The following PANX1 variants were observed in gnomAD, a reference collection of about 807,000 sequenced individuals.
PANX1 encodes pannexin 1.
A neutral mutation model predicts 38.7 loss-of-function variants in PANX1; 30 were observed. The ratio of observed to expected loss-of-function variants is 0.78; its 90% CI spans 0.58 to 1.05. The LOEUF is 1.05. Ranked by LOEUF, PANX1 falls within the 50% of genes least tolerant of loss-of-function variation. The pLI, the probability that PANX1 is intolerant of heterozygous loss-of-function variation, is 0.00. For missense variants in PANX1, 551 were observed against 517.2 expected, an observed-to-expected ratio of 1.07 and a Z score of -0.63; for synonymous variants, 230 against 212.2, an observed-to-expected ratio of 1.08 and a Z score of -0.73.
chr11:94,129,823 C>T (rs1591500071), intron 1 of PANX1, among the ~76,000 whole-genome samples: 1 of 152,174 alleles, frequency 6.6e-6, no homozygotes, highest in East Asian at 1.9e-4. Context: ...CCGTTTTTCA[C>T]CCCTGTCTCC....
chr11:94,136,693 G>A (rs1431516164), intron 1 of PANX1, among the ~76,000 whole-genome samples: 3 of 152,174 alleles, frequency 2.0e-5, no homozygotes, highest in Admixed American at 1.3e-4. Flanking sequence ...GCGTGAACCC[G>A]GGAGGCGGAG....
intron 1 of PANX1, among the ~76,000 whole-genome samples, chr11:94,147,999 T>C (rs1376519645): frequency 6.6e-6 from 1 of 152,196 alleles, no homozygotes; most frequent in Non-Finnish European, 1.5e-5. Flanking sequence ...TGATGTGTTC[T>C]CTTTAAAAGC....
chr11:94,151,779 T>C (rs1946885246), intron 1 of PANX1, among the ~76,000 whole-genome samples: 1 of 152,332 alleles, frequency 6.6e-6, no homozygotes, highest in East Asian at 1.9e-4. Flanking sequence ...CACTCATATT[T>C]AAGCCATTCT....
Position 94,156,717 on chromosome 11 carries a change from T to G in PANX1, c.321+3087T>G, listed in dbSNP as rs952044839. 2.4e-3 allele frequency among the ~76,000 whole-genome samples: 307 copies of G among 125,320 alleles called. 2 individuals are homozygous for G. The highest frequency in any genetic ancestry group is 0.013 in the African/African-American group (288 of 22,334). The allele number at this position is 125,320 out of a possible 152,430, so 82.2% of individuals were successfully genotyped here. ...TTTTTAAAAAAAATTATTTTTCTCG[T>G]TTTTTTTTTTCCTTTTTTTTAATTA... On this transcript the variant is annotated intron_variant, in intron 2 of 4. Coordinates refer to ENST00000227638, the MANE Select transcript of PANX1 (RefSeq NM_015368.4).
In PANX1 at chr11:94,129,272, C is replaced by G; in HGVS notation, c.-41C>G. On this transcript the variant is annotated 5_prime_UTR_variant, in exon 1 of 5. Coordinates refer to ENST00000227638, the MANE Select transcript of PANX1 (RefSeq NM_015368.4). ...CGCCGCGCAGCTTTCCCGACGCCGG[C>G]TGTACCCGGACCTCCTGGTCGAGCC... is the stretch of plus-strand genomic sequence containing the variant. 1 of 1,556,646 alleles carries G rather than the reference C, an allele frequency of 6.4e-7. No individual in the cohort carries two copies. Among genetic ancestry groups the G allele is most frequent in the East Asian group, 2.3e-5 (1 of 42,844 alleles).
At chr11:94,180,350 A>C in intron 4 of PANX1, 93 bp downstream of exon 4, 1 of 1,087,782 alleles carries the variant, frequency 9.2e-7, no homozygotes, top group Non-Finnish European at 1.3e-6. Context: ...CCTGCCCATC[A>C]TTTAAACCAT....
chr11:94,129,541 G>A, intron 1 of PANX1, 48 bp downstream of exon 1: 2 of 1,525,440 alleles, frequency 1.3e-6, no homozygotes, highest in Non-Finnish European at 9.0e-7. Context: ...GGTCTGGCCC[G>A]GTGAGCTGCG....
chr11:94,129,429 G>T lies in PANX1; in HGVS notation c.117G>T (p.Thr39=). 6.2e-7 allele frequency: 1 copy of T among 1,613,980 alleles called. No homozygotes were observed. ...RLELAVDKMV[T]CIAVGLPLLL... ...AGCTGGCTGTGGACAAGATGGTCACGTGCATTGCGGTGGGGCTGCCCCTGC... is the reference window on the plus strand; with the variant it reads ...AGCTGGCTGTGGACAAGATGGTCACTTGCATTGCGGTGGGGCTGCCCCTGC... Residue 39 remains threonine, a synonymous_variant, in exon 1 of 5, where the codon ACG becomes ACT. Transcript: ENST00000227638.
Position 94,129,297 on chromosome 11 carries a change from C to G in PANX1, c.-16C>G. 9 of 1,596,370 alleles carry G rather than the reference C, an allele frequency of 5.6e-6. No individual in the cohort carries two copies. Among genetic ancestry groups the G allele is most frequent in the East Asian group, 2.3e-5 (1 of 44,136 alleles). On this transcript the variant is annotated 5_prime_UTR_variant, in exon 1 of 5. Coordinates refer to ENST00000227638, the MANE Select transcript of PANX1 (RefSeq NM_015368.4). The stretch of plus-strand genomic sequence containing the variant: ...CTGTACCCGGACCTCCTGGTCGAGC[C>G]TGGCGCGCCGCAGCCATGGCCATCG...
chr11:94,130,332 G>C (rs1401519189), intron 1 of PANX1, among the ~76,000 whole-genome samples: 1 of 152,182 alleles, frequency 6.6e-6, no homozygotes, highest in Non-Finnish European at 1.5e-5. Context: ...ATTTGGACAA[G>C]AAGGAGTAAG....
intron 1 of PANX1, among the ~76,000 whole-genome samples, chr11:94,147,292 A>AAC (rs1271221690): frequency 6.6e-6 from 1 of 152,134 alleles, no homozygotes; most frequent in Non-Finnish European, 1.5e-5. Context: ...ACAAAAGTAA[A>AAC]ATATATATAT....
At chr11:94,149,503 C>T (rs1279769166) in intron 1 of PANX1, among the ~76,000 whole-genome samples, 6 of 152,156 alleles carry the variant, frequency 3.9e-5, no homozygotes, top group African/African-American at 9.7e-5. Flanking sequence ...TGTGAGCACA[C>T]GTTTTCTCCT....
At chr11:94,149,589 G>A (rs903158426) in intron 1 of PANX1, among the ~76,000 whole-genome samples, 3 of 152,224 alleles carry the variant, frequency 2.0e-5, no homozygotes, top group African/African-American at 7.2e-5. Context: ...TCAGCCAAGT[G>A]GAAGTAGTAT....
At position 94,171,544 on chromosome 11, in the gene PANX1, A is replaced by G. The variant is rs78749761; in HGVS notation, c.322-6825A>G. Among the ~76,000 whole-genome samples, 1,606 of 151,714 alleles carry G rather than the reference A, an allele frequency of 0.011. 99 individuals carry two copies. The East Asian group carries it at 0.14, about 13-fold the overall frequency. ...AGTGAGGTAGTTGTGTGTCCTGTTC[A>G]GAACCAGACTTGGTTCTCCAGGAGC... On this transcript the variant is annotated intron_variant, in intron 2 of 4. Coordinates refer to ENST00000227638, the MANE Select transcript of PANX1 (RefSeq NM_015368.4).
chr11:94,139,464 T>C (rs923286415), intron 1 of PANX1, among the ~76,000 whole-genome samples: 7 of 152,262 alleles, frequency 4.6e-5, no homozygotes, highest in Non-Finnish European at 8.8e-5. Flanking sequence ...ATTGTAGTTA[T>C]GAGGAACACT....
At chr11:94,173,490 G>A (rs541356585) in intron 2 of PANX1, among the ~76,000 whole-genome samples, 7 of 151,606 alleles carry the variant, frequency 4.6e-5, no homozygotes, top group African/African-American at 1.7e-4. Flanking sequence ...CCTCACTCCC[G>A]TCTGCTCTGA....
In PANX1 at chr11:94,129,484, A is replaced by G; in HGVS notation, c.172A>G (p.Ile58Val). 8 of 1,608,486 alleles carry G rather than the reference A, an allele frequency of 5.0e-6. No individual in the cohort carries two copies. The highest frequency in any genetic ancestry group is 6.8e-6 in the Non-Finnish European group (8 of 1,176,616). ...CATCTCGCTGGCCTTCGCGCAGGAG[A>G]TCTCGATTGGTAAGCCTCGCCCAGG... ...LLISLAFAQE[I>V]SIGTQISCFS... The change falls in exon 1 of 5, where the codon ATC becomes GTC. Residue 58 changes from isoleucine (I) to valine (V), a missense_variant. Coordinates refer to ENST00000227638, the MANE Select transcript of PANX1 (RefSeq NM_015368.4).
intron 2 of PANX1, among the ~76,000 whole-genome samples, chr11:94,154,215 A>C (rs573041030): frequency 2.5e-4 from 38 of 152,320 alleles, no homozygotes; most frequent in African/African-American, 8.9e-4. Context: ...GAGATACTAC[A>C]CAAGAGACAC....
At chr11:94,158,744 C>T (rs1395232062) in intron 2 of PANX1, among the ~76,000 whole-genome samples, 8 of 151,996 alleles carry the variant, frequency 5.3e-5, no homozygotes, top group African/African-American at 1.7e-4. Flanking sequence ...CTTTATTTCC[C>T]TCTCCTGCCT....
Sources: gnomAD v4.1 joint callset for allele counts (sites outside exome capture counted in the v4.1 genomes callset) on GRCh38, gnomAD v4.1.1 for gene constraint, MANE v1.5 for transcripts, NCBI Gene and HGNC (gene_info 2026-07-23, HGNC 2026-07-21) for gene names.